AEBP1: variants seen among roughly 807,000 people sequenced by gnomAD.
AEBP1 encodes the protein adipocyte enhancer-binding protein 1.
In AEBP1, 69 loss-of-function variants were observed where a neutral mutation model predicts 116.5. The observed-to-expected ratio is 0.59, with a 90% confidence interval of 0.49 to 0.72. AEBP1 has a LOEUF of 0.72. AEBP1 is among the 30% of genes least tolerant of loss of function. The pLI is 0.00. For synonymous variants in AEBP1, 627 were observed against 627.3 expected (o/e 1.00, Z 0.01); for missense variants, 1,444 against 1,557.5 (o/e 0.93, Z 1.23).
In AEBP1 at chr7:44,107,679, G is replaced by T; in HGVS notation, c.718G>T (p.Glu240Ter). The T allele has an allele frequency of 1.2e-6, 2 of 1,613,684 alleles. No individual in the cohort carries two copies. Among genetic ancestry groups the T allele is most frequent in the Non-Finnish European group, 1.7e-6 (2 of 1,179,954 alleles). Residue 240 changes from glutamate to a stop codon, truncating the protein, a stop_gained, in exon 4 of 21, where the codon GAG (glutamate) becomes TAG (stop). Coordinates refer to ENST00000223357, the MANE Select transcript of AEBP1 (RefSeq NM_001129.5). LOFTEE classifies it high-confidence loss of function. This position sits in a 1 kb window ranked among gnomAD's most constrained non-coding sequence, Gnocchi z 4.3. ...CACACTGGACTACAATGACCAGATC[G>T]AGAGGGAGGACTATGAGGACTGTGA... ...QPTLDYNDQI[E>*]REDYEDFEYI...
At position 44,106,897 on chromosome 7, in the gene AEBP1, G is replaced by A. The variant is rs749284044; in HGVS notation, c.595+10G>A. On this transcript the variant is annotated intron_variant, in intron 2 of 20. Transcript: ENST00000223357. ...CTACCCCAGGAGGGAGGTTTGTGCC[G>A]GGCTCCTCTGGGGTGATGGGGCTCT... is the stretch of plus-strand genomic sequence containing the variant. The A allele has an allele frequency of 2.9e-5, 45 of 1,533,368 alleles. No individual in the cohort carries two copies. In the Middle Eastern group the frequency reaches 1.9e-3, roughly 65 times the overall value. 95.0% of individuals were successfully genotyped at this position (1,533,368 alleles called of 1,614,324 possible).
rs1279167061 is a variant in AEBP1 at position 44,113,167 on chromosome 7, T to G, written c.2709+37T>G. On this transcript the variant is annotated intron_variant, in intron 19 of 20. Transcript: ENST00000223357. The surrounding 1 kb of genome is among the most constrained non-coding windows in gnomAD (Gnocchi z 5.3). ...AGGGCAATGCCTGGGGAGAGGAGGC[T>G]GCACAGGCTCCTGGATGGGCGGGAG... The G allele has an allele frequency of 6.2e-7, 1 of 1,613,354 alleles. No homozygotes were observed. The highest frequency in any genetic ancestry group is 8.5e-7 in the Non-Finnish European group (1 of 1,179,686).
Position 44,112,521 on chromosome 7 carries a change from G to GA in AEBP1, c.2218-37_2218-36insA, listed in dbSNP as rs397827894. 4.2e-5 allele frequency: 58 copies of GA among 1,380,318 alleles called. No individual in the cohort carries two copies. In the South Asian group the frequency reaches 6.8e-4, roughly 16 times the overall value. The allele number at this position is 1,380,318 out of a possible 1,614,324, so 85.5% of individuals were successfully genotyped here. ...GGCTAGGTTGGGGATAGTGGCCGGA[G>GA]CTGCAGCCCTGGCCTCACACGTGCT... On this transcript the variant is annotated intron_variant, in intron 17 of 20. Coordinates refer to ENST00000223357, the MANE Select transcript of AEBP1 (RefSeq NM_001129.5). This position sits in a 1 kb window ranked among gnomAD's most constrained non-coding sequence, Gnocchi z 6.6.
Position 44,114,084 on chromosome 7 carries a change from G to GTTTGGGACCGAGGTGGAGCCCGAC in AEBP1, c.3309_3310insGAGGTGGAGCCCGACTTTGGGACC (p.Thr1103_Lys1104insGluValGluProAspPheGlyThr). On this transcript the variant is annotated inframe_insertion, in exon 21 of 21. Coordinates refer to ENST00000223357, the MANE Select transcript of AEBP1 (RefSeq NM_001129.5). ...AGTTTGGGACCGAGGTGGAGCCCGA[G>GTTTGGGACCGAGGTGGAGCCCGAC]TTTGGGACCAAGGTGGAGCCCGAGT... 6.2e-7 allele frequency: 1 copy of GTTTGGGACCGAGGTGGAGCCCGAC among 1,613,676 alleles called. No homozygotes were observed. The highest frequency in any genetic ancestry group is 1.7e-5 in the Admixed American group (1 of 60,000).
chr7:44,113,485 T>G lies in AEBP1; in HGVS notation c.2810-109T>G, dbSNP rs10276879. The stretch of plus-strand genomic sequence containing the variant: ...GAAATTCAGAGAGGGAGGGCGGTGC[T>G]GGGGGCGGGAACTCAGAGGGGGAGG... On this transcript the variant is annotated intron_variant, in intron 20 of 20. Coordinates refer to ENST00000223357, the MANE Select transcript of AEBP1 (RefSeq NM_001129.5). This position sits in a 1 kb window ranked among gnomAD's most constrained non-coding sequence, Gnocchi z 5.3. 2 of 1,243,978 alleles carry G rather than the reference T, an allele frequency of 1.6e-6. No homozygotes were observed. The highest frequency in any genetic ancestry group is 5.8e-5 in the East Asian group (2 of 34,232). The allele number at this position is 1,243,978 out of a possible 1,614,324, so 77.1% of individuals were successfully genotyped here.
chr7:44,106,353 A>G (rs1562684146), intron 1 of AEBP1, 193 bp from the exon 2 acceptor site: 8 of 725,570 alleles, frequency 1.1e-5, no homozygotes, highest in Admixed American at 2.1e-5. Flanking sequence ...TCACAGCCCC[A>G]GACTTGCAGA....
chr7:44,109,268 C>T lies in AEBP1; in HGVS notation c.1097-20C>T, dbSNP rs1174683505. On this transcript the variant is annotated intron_variant, in intron 8 of 20. Coordinates refer to ENST00000223357, the MANE Select transcript of AEBP1 (RefSeq NM_001129.5). ...GCCTCCCGGGCCCTTGGTGCCATGTCCTCCCTTCATTGTCCCTAGAGCCCC... is the reference window on the plus strand; with the variant it reads ...GCCTCCCGGGCCCTTGGTGCCATGTTCTCCCTTCATTGTCCCTAGAGCCCC... 2 of 1,611,238 alleles carry T rather than the reference C, an allele frequency of 1.2e-6. No individual in the cohort carries two copies. The highest frequency in any genetic ancestry group is 1.7e-6 in the Non-Finnish European group (2 of 1,178,994).
intron 1 of AEBP1, chr7:44,106,314 T>C (rs1176749101): frequency 1.5e-6 from 1 of 688,890 alleles, no homozygotes; most frequent in Non-Finnish European, 2.6e-6. Context: ...AACCCTACGC[T>C]CAGTCTTTAG....
chr7:44,109,099 C>A lies in AEBP1; in HGVS notation c.1019-8C>A. 1 of 1,613,506 alleles carries A rather than the reference C, an allele frequency of 6.2e-7. No homozygotes were observed. The highest frequency in any genetic ancestry group is 1.6e-4 in the Middle Eastern group (1 of 6,062). On this transcript the variant is annotated splice_region_variant and splice_polypyrimidine_tract_variant and intron_variant, in intron 7 of 20. Coordinates refer to ENST00000223357, the MANE Select transcript of AEBP1 (RefSeq NM_001129.5). ...GCTGACTGGCCCCTCCTACCTTGCA[C>A]CTTCCAGAGAAACCCAAAAAGGAGG...
rs1013558383 is a variant in AEBP1, at chr7:44,104,799, T to C, written c.134T>C (p.Leu45Pro). The change falls in exon 1 of 21, where the codon CTA becomes CCA. Residue 45 changes from leucine (L) to proline (P), a missense_variant. Physicochemically the swap from Leu to Pro is moderately conservative, Grantham distance 98 (BLOSUM62 -3). Coordinates refer to ENST00000223357, the MANE Select transcript of AEBP1 (RefSeq NM_001129.5). ...EEFLEGFLSE[L>P]EPEPREDDVE... ...TTCCTCGAGGGCTTCCTGTCAGAGC[T>C]AGAACCTGAGCCCCGGGAGGACGAC... 10 of 1,609,720 alleles carry C rather than the reference T, an allele frequency of 6.2e-6. No homozygotes were observed. In the African/African-American group the frequency reaches 1.2e-4, roughly 19 times the overall value.
At chr7:44,109,915 C>A in intron 9 of AEBP1, 100 bp from the exon 10 acceptor site, 1 of 1,076,562 alleles carries the variant, frequency 9.3e-7, no homozygotes, top group Non-Finnish European at 1.4e-6. Context: ...CTGACTGTGC[C>A]CCCGATGTGC....
Position 44,111,301 on chromosome 7 carries a change from C to A in AEBP1, c.1716+62C>A. The A allele has an allele frequency of 6.9e-7, 1 of 1,455,750 alleles. No individual in the cohort carries two copies. The highest frequency in any genetic ancestry group is 9.1e-7 in the Non-Finnish European group (1 of 1,095,298). The allele number at this position is 1,455,750 out of a possible 1,614,324, so 90.2% of individuals were successfully genotyped here. ...TGTCTGTGGCTGACGGGAGTGTGTG[C>A]CTGGTGCTTCTGTCACTGGGCCCAG... On this transcript the variant is annotated intron_variant, in intron 14 of 20. Coordinates refer to ENST00000223357, the MANE Select transcript of AEBP1 (RefSeq NM_001129.5). The surrounding 1 kb of genome is among the most constrained non-coding windows in gnomAD (Gnocchi z 4.7).
Position 44,107,846 on chromosome 7 carries a change from C to T in AEBP1, c.777C>T (p.Pro259=). 1 of 1,611,210 alleles carries T rather than the reference C, an allele frequency of 6.2e-7. No individual in the cohort carries two copies. Among genetic ancestry groups the T allele is most frequent in the Non-Finnish European group, 8.5e-7 (1 of 1,179,360 alleles). Residue 259 remains proline, a synonymous_variant, in exon 5 of 21, where the codon CCC becomes CCT. Coordinates refer to ENST00000223357, the MANE Select transcript of AEBP1 (RefSeq NM_001129.5). This position sits in a 1 kb window ranked among gnomAD's most constrained non-coding sequence, Gnocchi z 4.3. ...YIRRQKQPRP[P]PSRRRRPERV... Reference sequence around the variant, plus strand: ...GGCGCCAGAAGCAACCCAGGCCACCCCCAAGCAGAAGGAGGAGGCCCGAGC... The same window carrying T: ...GGCGCCAGAAGCAACCCAGGCCACCTCCAAGCAGAAGGAGGAGGCCCGAGC...
chr7:44,106,934 C>A, intron 2 of AEBP1, 47 bp downstream of exon 2: 4 of 1,412,000 alleles, frequency 2.8e-6, no homozygotes, highest in Non-Finnish European at 3.8e-6. Context: ...ACTGCCTGCT[C>A]GGGTGGAGGC....
rs1210314375 is a variant in AEBP1, at chr7:44,110,190, C to T, written c.1261-17C>T. ...GACTCCTCCGCCCATGCTCAGCCTC[C>T]CCTGCCCCCTGGACAGACCGGTGCC... On this transcript the variant is annotated splice_polypyrimidine_tract_variant and intron_variant, in intron 10 of 20. Transcript: ENST00000223357. 2 of 1,613,500 alleles carry T rather than the reference C, an allele frequency of 1.2e-6. No homozygotes were observed. Among genetic ancestry groups the T allele is most frequent in the East Asian group, 4.5e-5 (2 of 44,888 alleles).
Position 44,110,121 on chromosome 7 carries a change from G to T in AEBP1, c.1257G>T (p.Met419Ile). ...GLGAQRGRLN[M>I]QTGATEDDYY... ...GGGCACAGCGCGGCCGGCTCAACAT[G>T]CAGGTGGGCATTGGGATGGGCCCAT... Residue 419 changes from methionine (M) to isoleucine (I), a missense_variant, in exon 10 of 21, where the codon ATG becomes ATT. By Grantham distance (10) the Met-to-Ile change is conservative. Coordinates refer to ENST00000223357, the MANE Select transcript of AEBP1 (RefSeq NM_001129.5). The T allele has an allele frequency of 6.2e-7, 1 of 1,613,136 alleles. No individual in the cohort carries two copies. The highest frequency in any genetic ancestry group is 1.1e-5 in the South Asian group (1 of 91,084).
Position 44,107,746 on chromosome 7 carries a change from G to C in AEBP1, c.739+46G>C. The stretch of plus-strand genomic sequence containing the variant: ...CCCACCTGGGTCGGACCCCTGGCCT[G>C]GGGGATGTGCCAATGGGCCCATCCC... On this transcript the variant is annotated intron_variant, in intron 4 of 20. Coordinates refer to ENST00000223357, the MANE Select transcript of AEBP1 (RefSeq NM_001129.5). This position sits in a 1 kb window ranked among gnomAD's most constrained non-coding sequence, Gnocchi z 4.3. 6.2e-7 allele frequency: 1 copy of C among 1,613,110 alleles called. No individual in the cohort carries two copies. Among genetic ancestry groups the C allele is most frequent in the South Asian group, 1.1e-5 (1 of 91,066 alleles).
chr7:44,110,641 T>A, intron 11 of AEBP1, 84 bp from the exon 12 acceptor site: 1 of 1,288,520 alleles, frequency 7.8e-7, no homozygotes, highest in Non-Finnish European at 1.1e-6. Context: ...TCTTAAATTC[T>A]TGGGGCTCGG....
Position 44,112,696 on chromosome 7 carries a change from G to T in AEBP1, c.2356G>T (p.Ala786Ser), listed in dbSNP as rs774670286. ...CACGCCTACCCAGGAGCAGCTGCTG[G>T]CCGCAGCCATGGCAGCAGCCCGGGG... is the stretch of plus-strand genomic sequence containing the variant. ...ARTPTQEQLLAAAMAAARGED... is the reference protein window; with the variant it reads ...ARTPTQEQLLSAAMAAARGED... The change falls in exon 18 of 21, where the codon GCC becomes TCC. Residue 786 changes from alanine to serine, a missense_variant. Ala to Ser is a moderately conservative substitution (Grantham distance 99). Coordinates refer to ENST00000223357, the MANE Select transcript of AEBP1 (RefSeq NM_001129.5). This position sits in a 1 kb window ranked among gnomAD's most constrained non-coding sequence, Gnocchi z 6.6. 4.3e-6 allele frequency: 7 copies of T among 1,613,132 alleles called. No individual in the cohort carries two copies. Among genetic ancestry groups the T allele is most frequent in the South Asian group, 1.1e-5 (1 of 91,082 alleles).
Sources: gnomAD v4.1 joint callset for allele counts on GRCh38, gnomAD v4.1.1 for gene constraint, Gnocchi (gnomAD v3.1) non-coding constraint, MANE v1.5 for transcripts, NCBI Gene and HGNC (gene_info 2026-07-23, HGNC 2026-07-21) for gene names.